Variants in PEAK1 observed in about 807,000 individuals in gnomAD.
PEAK1 encodes inactive tyrosine-protein kinase PEAK1.
In PEAK1, 54 loss-of-function variants were observed where a neutral mutation model predicts 124.7. That is an observed-to-expected ratio of 0.43 (90% CI 0.35 to 0.54). The LOEUF is 0.54. Ranked by LOEUF, PEAK1 falls within the 20% of genes least tolerant of loss-of-function variation. The pLI is 0.01. For synonymous variants in PEAK1, 719 were observed against 760.0 expected, an observed-to-expected ratio of 0.95 and a Z score of 0.89; for missense variants, 2,046 against 2,134.5, an observed-to-expected ratio of 0.96 and a Z score of 0.82.
intron 2 of PEAK1, among the ~76,000 whole-genome samples, chr15:77,320,810 G>A (rs546130676): frequency 6.9e-5 from 9 of 130,816 alleles, no homozygotes; most frequent in South Asian, 2.6e-4. Flanking sequence ...TCCCTCCCCC[G>A]TCCCCCACAG....
intron 6 of PEAK1, among the ~76,000 whole-genome samples, chr15:77,222,410 C>G (rs535094955): frequency 6.6e-6 from 1 of 151,970 alleles, no homozygotes; most frequent in South Asian, 2.1e-4. Context: ...GTATACTATC[C>G]AAGTGTTTCA....
rs554001515 is a variant in PEAK1, at chr15:77,368,422, G to A, written c.-665-3197C>T. On this transcript the variant is annotated intron_variant, in intron 1 of 9. Transcript: ENST00000682557. ...AATCCTAGCTACTAGGGAGGCTGAG[G>A]CGGGGGAATTGCTTGAACCCAGGAG... Among the ~76,000 whole-genome samples, 481 of 152,154 alleles carry A rather than the reference G, an allele frequency of 3.2e-3. 4 individuals are homozygous for A. The highest frequency in any genetic ancestry group is 5.4e-3 in the Non-Finnish European group (366 of 67,994).
At position 77,254,604 on chromosome 15, in the gene PEAK1, T is replaced by A. The variant is rs868477505; in HGVS notation, c.-274-2078A>T. On this transcript the variant is annotated intron_variant, in intron 5 of 9. Coordinates refer to ENST00000682557, the MANE Select transcript of PEAK1 (RefSeq NM_001385026.1). ...CACGCCACCATGCTCTGCTAATTTT[T>A]ACATTTTTTGTAGAAACTGGGTCTC... Among the ~76,000 whole-genome samples the A allele has an allele frequency of 5.3e-5, 8 of 152,236 alleles. No individual in the cohort carries two copies. The South Asian group carries it at 1.4e-3, about 28-fold the overall frequency.
At position 77,337,056 on chromosome 15, in the gene PEAK1, G is replaced by C. The variant is rs1415393487; in HGVS notation, c.-603+28107C>G. 4.5e-6 allele frequency: 4 copies of C among 896,728 alleles called. No individual in the cohort carries two copies. The African/African-American group carries it at 5.4e-5, about 12-fold the overall frequency. 55.5% of individuals were successfully genotyped at this position (896,728 alleles called of 1,614,324 possible). ...ATAGTAGGTGTTTATGGAGGAAACA[G>C]AATGAGTAAAGATAGGAAAAAGAGA... On this transcript the variant is annotated intron_variant, in intron 2 of 9. Transcript: ENST00000682557.
At chr15:77,299,677 G>C (rs2063690058) in intron 2 of PEAK1, among the ~76,000 whole-genome samples, 1 of 152,122 alleles carries the variant, frequency 6.6e-6, no homozygotes, top group South Asian at 2.1e-4. Context: ...CTCTCAACTT[G>C]GAATTCTCTT....
chr15:77,190,891 T>C (rs1256320128), intron 6 of PEAK1, among the ~76,000 whole-genome samples: 2 of 152,248 alleles, frequency 1.3e-5, no homozygotes, highest in Non-Finnish European at 2.9e-5. Flanking sequence ...AAACTTCATC[T>C]ATTATATTAA....
intron 5 of PEAK1, among the ~76,000 whole-genome samples, chr15:77,258,968 C>T (rs1395729713): frequency 6.6e-6 from 1 of 152,118 alleles, no homozygotes; most frequent in South Asian, 2.1e-4. Flanking sequence ...GCCTTTTCTC[C>T]ATCTATTGAG....
chr15:77,287,747 T>C (rs988340487), intron 2 of PEAK1, among the ~76,000 whole-genome samples: 4 of 152,180 alleles, frequency 2.6e-5, no homozygotes, highest in Non-Finnish European at 5.9e-5. Context: ...GAAGGTACTA[T>C]AGGCAAAAAC....
At chr15:77,329,322 G>C (rs1224358194) in intron 2 of PEAK1, among the ~76,000 whole-genome samples, 1 of 152,138 alleles carries the variant, frequency 6.6e-6, no homozygotes, top group African/African-American at 2.4e-5. Context: ...CCTTACCACT[G>C]AAAGCAAGGA....
chr15:77,270,677 G>T (rs527291798), intron 5 of PEAK1, among the ~76,000 whole-genome samples: 16 of 152,216 alleles, frequency 1.1e-4, no homozygotes, highest in African/African-American at 3.9e-4. Flanking sequence ...GGTTCCATAT[G>T]AACTTTAAAG....
intron 2 of PEAK1, chr15:77,337,814 T>C: frequency 2.0e-6 from 2 of 984,862 alleles, no homozygotes; most frequent in Non-Finnish European, 2.4e-6. Flanking sequence ...AAAACGCTAC[T>C]TTAGCGTTTC....
intron 8 of PEAK1, chr15:77,156,704 CATGGTACA>C (rs2055189923): frequency 6.6e-6 from 1 of 152,134 alleles, no homozygotes; most frequent in Non-Finnish European, 1.5e-5. Context: ...TGCCATCAAA[CATGGTACA>C]ATTAGTAAAA....
chr15:77,413,393 G>A (rs533206446), intron 1 of PEAK1, among the ~76,000 whole-genome samples: 4 of 152,242 alleles, frequency 2.6e-5, no homozygotes, highest in South Asian at 2.1e-4. Flanking sequence ...AGAAACCACC[G>A]TAACAGAGTG....
Position 77,178,988 on chromosome 15 carries a change from T to C in PEAK1, c.2939A>G (p.Glu980Gly), listed in dbSNP as rs1452837119. Residue 980 changes from glutamate (E) to glycine (G), a missense_variant, in exon 7 of 10, where the codon GAG becomes GGG. By Grantham distance (98) the Glu-to-Gly change is moderately conservative. Transcript: ENST00000682557. ...RHHWFTEAKG[E>G]SSEKPAIVFM... ...GACAATGGCTGGTTTCTCACTGGAC[T>C]CTCCTTTCGCCTCTGTGAACCAGTG... 2.5e-6 allele frequency: 4 copies of C among 1,613,926 alleles called. No individual in the cohort carries two copies. The African/African-American group carries it at 4.0e-5, about 16-fold the overall frequency.
chr15:77,225,744 T>C (rs1181568664), intron 6 of PEAK1, among the ~76,000 whole-genome samples: 3 of 141,866 alleles, frequency 2.1e-5, no homozygotes, highest in Admixed American at 7.3e-5. Flanking sequence ...CATGAAGTTA[T>C]GTAATCTCTA....
chr15:77,280,838 G>T (rs541411419), intron 5 of PEAK1, among the ~76,000 whole-genome samples: 6 of 152,140 alleles, frequency 3.9e-5, no homozygotes, highest in Non-Finnish European at 2.9e-5. Flanking sequence ...GAATAATCAG[G>T]CTTCTGACTA....
At position 77,179,041 on chromosome 15, in the gene PEAK1, C is replaced by T. The variant is rs2057065417; in HGVS notation, c.2886G>A (p.Met962Ile). The T allele has an allele frequency of 5.0e-6, 8 of 1,614,166 alleles. No homozygotes were observed. Among genetic ancestry groups the T allele is most frequent in the Non-Finnish European group, 6.8e-6 (8 of 1,180,034 alleles). The change falls in exon 7 of 10, where the codon ATG becomes ATA. Residue 962 changes from methionine to isoleucine, a missense_variant. Physicochemically the swap from Met to Ile is conservative, Grantham distance 10. Transcript: ENST00000682557. ...GGCGCTGAACTGGAGGAGGAGGCAGCATGTGAATGACTGTGCCATCCAGGC... is the reference window on the plus strand; with the variant it reads ...GGCGCTGAACTGGAGGAGGAGGCAGTATGTGAATGACTGTGCCATCCAGGC... ...LVGLDGTVIHMLPPPPVQRHH... is the reference protein window; with the variant it reads ...LVGLDGTVIHILPPPPVQRHH...
At chr15:77,392,482 T>C (rs1408854893) in intron 1 of PEAK1, among the ~76,000 whole-genome samples, 2 of 152,228 alleles carry the variant, frequency 1.3e-5, no homozygotes, top group Non-Finnish European at 2.9e-5. Context: ...AGGCAATCTC[T>C]GCAGCCTTAA....
intron 5 of PEAK1, among the ~76,000 whole-genome samples, chr15:77,279,166 A>C (rs1321374780): frequency 6.6e-6 from 1 of 151,642 alleles, no homozygotes; most frequent in African/African-American, 2.4e-5. Flanking sequence ...CACACAGAAC[A>C]CTTACTGTTG....
Sources: allele counts gnomAD v4.1 joint callset (sites outside exome capture counted in the v4.1 genomes callset), GRCh38; gene constraint gnomAD v4.1.1; transcripts MANE v1.5; gene names NCBI Gene and HGNC (gene_info 2026-07-23, HGNC 2026-07-21).